ARNT2: variants seen among roughly 807,000 people sequenced by gnomAD.
ARNT2 encodes ARNT protein 2.
In ARNT2, 36 loss-of-function variants were observed where a neutral mutation model predicts 91.7. The ratio of observed to expected loss-of-function variants is 0.39; its 90% confidence interval spans 0.30 to 0.52. The LOEUF (loss-of-function observed/expected upper bound fraction) is 0.52. ARNT2 is among the 20% of genes least tolerant of loss of function. ARNT2 has a pLI of 0.72. For synonymous variants in ARNT2, 365 were observed against 347.1 expected (o/e 1.05, Z -0.57); for missense variants, 775 against 939.3 (o/e 0.83, Z 2.29).
At chr15:80,463,201 A>G (rs1289350725) in intron 3 of ARNT2, among the ~76,000 whole-genome samples, 1 of 152,152 alleles carries the variant, frequency 6.6e-6, no homozygotes, top group Non-Finnish European at 1.5e-5. Flanking sequence ...AGGCAGCAGC[A>G]AGGAGTGCCC....
At chr15:80,486,754 G>A (rs1255290896) in intron 5 of ARNT2, among the ~76,000 whole-genome samples, 1 of 152,198 alleles carries the variant, frequency 6.6e-6, no homozygotes, top group Non-Finnish European at 1.5e-5. Flanking sequence ...ACTCACTGGT[G>A]TTAATTTTTT....
intron 1 of ARNT2, among the ~76,000 whole-genome samples, chr15:80,406,162 G>A (rs1895599050): frequency 6.6e-6 from 1 of 152,172 alleles, no homozygotes; most frequent in Non-Finnish European, 1.5e-5. Context: ...TTTGGAGTAA[G>A]AGTAAAGGAG....
At chr15:80,476,055 A>G (rs1896798698) in intron 5 of ARNT2, among the ~76,000 whole-genome samples, 1 of 152,236 alleles carries the variant, frequency 6.6e-6, no homozygotes, top group African/African-American at 2.4e-5. Flanking sequence ...ACCTATTATA[A>G]ATGGTAGCAC....
At chr15:80,580,261 T>G in intron 15 of ARNT2, 150 bp from the exon 16 acceptor site, 2 of 1,040,336 alleles carry the variant, frequency 1.9e-6, no homozygotes, top group Non-Finnish European at 2.9e-6. Context: ...GCTTTGAGGC[T>G]CACGATGTGT....
chr15:80,419,780 C>A (rs3910982), intron 1 of ARNT2, among the ~76,000 whole-genome samples: 39,675 of 152,130 alleles, frequency 0.26, 6,150 homozygotes, highest in East Asian at 0.55. Context: ...GACACCATGC[C>A]GGTTCTTAGG....
chr15:80,481,510 G>A (rs570284931), intron 5 of ARNT2, among the ~76,000 whole-genome samples: 1 of 152,102 alleles, frequency 6.6e-6, no homozygotes, highest in Non-Finnish European at 1.5e-5. Flanking sequence ...AGGATTTTGA[G>A]ACCAGCCGGA....
At chr15:80,566,040 C>T (rs7162617) in intron 12 of ARNT2, among the ~76,000 whole-genome samples, 59,540 of 152,062 alleles carry the variant, frequency 0.39, 12,765 homozygotes, top group Non-Finnish European at 0.48. Flanking sequence ...TCTGCAGATT[C>T]TGCATGGAGC....
chr15:80,540,007 T>G (rs1003480031), intron 8 of ARNT2, among the ~76,000 whole-genome samples: 4 of 152,064 alleles, frequency 2.6e-5, no homozygotes, highest in African/African-American at 9.7e-5. Flanking sequence ...CAAATAGAAC[T>G]ACCACATGAT....
intron 17 of ARNT2, among the ~76,000 whole-genome samples, chr15:80,590,759 T>A (rs1893261548): frequency 6.6e-6 from 1 of 152,222 alleles, no homozygotes. Flanking sequence ...AAAAACCAAT[T>A]CCACTTATGT....
chr15:80,532,137 A>G (rs1032032927), intron 8 of ARNT2, among the ~76,000 whole-genome samples: 13 of 152,232 alleles, frequency 8.5e-5, no homozygotes, highest in African/African-American at 1.9e-4. Context: ...GAATAGGACC[A>G]TGGTTATTCC....
intron 12 of ARNT2, among the ~76,000 whole-genome samples, chr15:80,566,040 C>G (rs7162617): frequency 6.6e-6 from 1 of 151,994 alleles, no homozygotes; most frequent in Non-Finnish European, 1.5e-5. Context: ...TCTGCAGATT[C>G]TGCATGGAGC....
At chr15:80,497,034 T>C (rs1171493870) in intron 5 of ARNT2, among the ~76,000 whole-genome samples, 1 of 152,152 alleles carries the variant, frequency 6.6e-6, no homozygotes, top group Non-Finnish European at 1.5e-5. Flanking sequence ...ACGTTTGTAA[T>C]CCAGGAAGGG....
intron 12 of ARNT2, among the ~76,000 whole-genome samples, chr15:80,571,928 G>A (rs1259755300): frequency 1.3e-5 from 2 of 152,114 alleles, no homozygotes; most frequent in African/African-American, 4.8e-5. Context: ...ACTTTAATAT[G>A]GGGGTGAAGT....
chr15:80,580,315 G>A (rs1393654503), intron 15 of ARNT2, 96 bp from the exon 16 acceptor site: 2 of 1,470,878 alleles, frequency 1.4e-6, no homozygotes, highest in African/African-American at 1.4e-5. Context: ...AGAGAGCCAG[G>A]AAGATGGCCC....
Position 80,574,160 on chromosome 15 carries a change from AC to A in ARNT2, c.1330del (p.Gln444SerfsTer66). 1 of 1,614,254 alleles carries A rather than the reference AC, an allele frequency of 6.2e-7. No homozygotes were observed. The highest frequency in any genetic ancestry group is 8.5e-7 in the Non-Finnish European group (1 of 1,180,040). Reference protein sequence around the residue: ...TNTNVKQLQQQQAELEVHQRD... With the variant: ...TNTNVKQLQQXQAELEVHQRD... Reference sequence around the variant, plus strand: ...TCTTGTTTCACAGGCAACTTCAGCAACAGCAGGCAGAATTGGAAGTGCACCA... The same window carrying A: ...TCTTGTTTCACAGGCAACTTCAGCAAAGCAGGCAGAATTGGAAGTGCACCA... On this transcript the variant is annotated frameshift_variant, in exon 13 of 19. Transcript: ENST00000303329. LOFTEE classifies it high-confidence loss of function.
At chr15:80,499,480 T>G (rs1897163273) in intron 5 of ARNT2, among the ~76,000 whole-genome samples, 1 of 152,248 alleles carries the variant, frequency 6.6e-6, no homozygotes, top group Non-Finnish European at 1.5e-5. Flanking sequence ...GTTAAAGACT[T>G]GAACACTGGG....
chr15:80,540,475 C>T (rs1897888106), intron 8 of ARNT2, among the ~76,000 whole-genome samples: 1 of 152,004 alleles, frequency 6.6e-6, no homozygotes, highest in Non-Finnish European at 1.5e-5. Context: ...ATATTCAGAT[C>T]CTTTGCTCAT....
intron 3 of ARNT2, among the ~76,000 whole-genome samples, chr15:80,460,541 T>A (rs1896537640): frequency 6.6e-6 from 1 of 152,180 alleles, no homozygotes; most frequent in African/African-American, 2.4e-5. Context: ...CTCCACCACA[T>A]CCCAAGGCCT....
chr15:80,543,433 A>T (rs980896371), intron 8 of ARNT2, among the ~76,000 whole-genome samples: 1 of 152,180 alleles, frequency 6.6e-6, no homozygotes, highest in African/African-American at 2.4e-5. Context: ...GCTCATTCTC[A>T]TTTCAAGCTG....
Sources: gnomAD v4.1 joint callset for allele counts (sites outside exome capture counted in the v4.1 genomes callset) on GRCh38, gnomAD v4.1.1 for gene constraint, MANE v1.5 for transcripts, NCBI Gene and HGNC (gene_info 2026-07-23, HGNC 2026-07-21) for gene names.